The following GRIN2D variants were observed in gnomAD, a reference collection of about 807,000 sequenced individuals.
GRIN2D encodes the protein glutamate ionotropic receptor NMDA type subunit 2D.
Under a neutral mutation model 103.2 loss-of-function variants are expected in GRIN2D, and 37 were observed. The observed-to-expected ratio is 0.36, with a 90% CI of 0.28 to 0.47. The LOEUF is 0.47. Among genes scored for constraint, GRIN2D ranks in the 20% least tolerant of loss-of-function variants. GRIN2D has a pLI of 1.00. For synonymous variants in GRIN2D, 845 were observed against 885.6 expected (o/e 0.95, Z 0.81); for missense variants, 1,557 against 1,910.6 (o/e 0.81, Z 3.45).
chr19:48,402,788 G>C (rs1344043259), intron 3 of GRIN2D, among the ~76,000 whole-genome samples: 1 of 149,710 alleles, frequency 6.7e-6, no homozygotes, highest in African/African-American at 2.5e-5. Flanking sequence ...GAGAGAGAGA[G>C]AGAGAGAGAG....
At chr19:48,422,067 T>G (rs1442437171) in intron 11 of GRIN2D, 122 bp downstream of exon 11, 1 of 935,220 alleles carries the variant, frequency 1.1e-6, no homozygotes, top group African/African-American at 1.7e-5. Flanking sequence ...GTGGGTCAGC[T>G]TGGAGGGCGG....
At chr19:48,430,821 C>CTTTTTTTTTT (rs557084994) in intron 11 of GRIN2D, among the ~76,000 whole-genome samples, 1 of 128,922 alleles carries the variant, frequency 7.8e-6, no homozygotes. Flanking sequence ...TTTCTTTTTT[C>CTTTTTTTTTT]TTTTTTTTTT....
intron 10 of GRIN2D, among the ~76,000 whole-genome samples, chr19:48,420,046 G>A (rs946523661): frequency 3.3e-5 from 5 of 151,964 alleles, no homozygotes; most frequent in African/African-American, 1.2e-4. Flanking sequence ...TAGGGAAGAG[G>A]GTGTCCCTGA....
intron 11 of GRIN2D, among the ~76,000 whole-genome samples, chr19:48,433,365 CA>C (rs1051641420): frequency 2.0e-5 from 3 of 151,678 alleles, no homozygotes; most frequent in South Asian, 4.2e-4. Flanking sequence ...AACTCTATCT[CA>C]AAAATAAAAA....
intron 4 of GRIN2D, among the ~76,000 whole-genome samples, chr19:48,406,140 T>G (rs1223511225): frequency 1.3e-5 from 2 of 152,188 alleles, no homozygotes; most frequent in African/African-American, 4.8e-5. Context: ...AGACGCCTAT[T>G]CTGATTGACT....
At chr19:48,399,761 G>T (rs1401508702) in intron 3 of GRIN2D, among the ~76,000 whole-genome samples, 1 of 151,704 alleles carries the variant, frequency 6.6e-6, no homozygotes, top group African/African-American at 2.4e-5. Flanking sequence ...AAAAGAGGAA[G>T]AGTCATTAGA....
In GRIN2D at chr19:48,443,644, C is replaced by A; in HGVS notation, c.3718C>A (p.His1240Asn). Residue 1240 changes from histidine (H) to asparagine (N), a missense_variant, in exon 14 of 14, where the codon CAC becomes AAC. Physicochemically the swap from His to Asn is moderately conservative, Grantham distance 68. Around this residue, in one of 7 missense-constraint regions of GRIN2D, gnomAD observed 632 missense variants for 572.8 expected, o/e 1.10. Transcript: ENST00000263269. This position sits in a 1 kb window ranked among gnomAD's most constrained non-coding sequence, Gnocchi z 8.9. ...GCACCCGCACCGCCCGCGGGCCTCG[C>A]ACCGCACGCCCGCCGCCGCCGCGCC... is the stretch of plus-strand genomic sequence containing the variant. ...RSHPHRPRAS[H>N]RTPAAAAPHH... 1 of 1,107,750 alleles carries A rather than the reference C, an allele frequency of 9.0e-7. No individual in the cohort carries two copies. Among genetic ancestry groups the A allele is most frequent in the Non-Finnish European group, 1.1e-6 (1 of 912,402 alleles). The allele number at this position is 1,107,750 out of a possible 1,614,324, so 68.6% of individuals were successfully genotyped here.
rs1218736976 is a variant in GRIN2D at position 48,442,573 on chromosome 19, AC to A, written c.2674-22del. 5 of 1,478,210 alleles carry A rather than the reference AC, an allele frequency of 3.4e-6. No homozygotes were observed. The highest frequency in any genetic ancestry group is 2.4e-5 in the Admixed American group (1 of 42,250). The allele number at this position is 1,478,210 out of a possible 1,614,324, so 91.6% of individuals were successfully genotyped here. On this transcript the variant is annotated intron_variant, in intron 13 of 13. Coordinates refer to ENST00000263269, the MANE Select transcript of GRIN2D (RefSeq NM_000836.4). The surrounding 1 kb of genome is among the most constrained non-coding windows in gnomAD (Gnocchi z 7.2). ...CAGGCGTCCTGGGCATCTCGCGCTG[AC>A]CCCCGTCCTGTCCCCGGACCCGCAG...
At position 48,408,819 on chromosome 19, in the gene GRIN2D, T is replaced by TAA. The variant is rs58654942; in HGVS notation, c.1085+3480_1085+3481dup. ...TCAGTGACAGAGCAAGACTCTGTCTTAAAAAAAAAAAAAAAGAGAGAAAGA... is the reference window on the plus strand; with the variant it reads ...TCAGTGACAGAGCAAGACTCTGTCTTAAAAAAAAAAAAAAAAAGAGAGAAAGA... On this transcript the variant is annotated intron_variant, in intron 4 of 13. Coordinates refer to ENST00000263269, the MANE Select transcript of GRIN2D (RefSeq NM_000836.4). Among the ~76,000 whole-genome samples the TAA allele has an allele frequency of 5.3e-3, 749 of 141,282 alleles. 10 individuals carry two copies. The highest frequency in any genetic ancestry group is 0.019 in the African/African-American group (718 of 38,276). The allele number at this position is 141,282 out of a possible 152,430, so 92.7% of individuals were successfully genotyped here.
chr19:48,401,009 G>A (rs1313327286), intron 3 of GRIN2D, among the ~76,000 whole-genome samples: 1 of 151,570 alleles, frequency 6.6e-6, no homozygotes, highest in African/African-American at 2.4e-5. Flanking sequence ...GGAGGTTGCA[G>A]TGAGCCGAGA....
chr19:48,415,093 G>A (rs905151619), intron 7 of GRIN2D, 61 bp downstream of exon 7: 3 of 1,432,126 alleles, frequency 2.1e-6, no homozygotes, highest in Non-Finnish European at 2.8e-6. Context: ...GGGCACAGCC[G>A]GGCGTGGTGG....
Position 48,443,364 on chromosome 19 carries a change from G to T in GRIN2D, c.3438G>T (p.Gly1146=), listed in dbSNP as rs747953717. The T allele has an allele frequency of 1.3e-5, 19 of 1,500,090 alleles. No individual in the cohort carries two copies. The highest frequency in any genetic ancestry group is 1.7e-5 in the Non-Finnish European group (19 of 1,133,426). 92.9% of individuals were successfully genotyped at this position (1,500,090 alleles called of 1,614,324 possible). ...DFPYPYAERL[G]PPPGRYWSVD... Reference sequence around the variant, plus strand: ...CTTACCCGTATGCCGAGCGCCTCGGGCCGCCGCCCGGCCGCTACTGGTCGG... The same window carrying T: ...CTTACCCGTATGCCGAGCGCCTCGGTCCGCCGCCCGGCCGCTACTGGTCGG... Residue 1146 remains glycine, a synonymous_variant, in exon 14 of 14, where the codon GGG becomes GGT. Transcript: ENST00000263269. The surrounding 1 kb of genome is among the most constrained non-coding windows in gnomAD (Gnocchi z 8.9).
chr19:48,438,440 A>G (rs527405228), intron 11 of GRIN2D, among the ~76,000 whole-genome samples: 21 of 151,906 alleles, frequency 1.4e-4, no homozygotes, highest in African/African-American at 5.1e-4. Flanking sequence ...CTGGGACTAC[A>G]GATGCCTGCC....
chr19:48,402,795 AG>A (rs1569059445), intron 3 of GRIN2D, among the ~76,000 whole-genome samples: 4 of 146,948 alleles, frequency 2.7e-5, no homozygotes, highest in African/African-American at 1.0e-4. Context: ...AGAGAGAGAG[AG>A]AGAGAGAGAA....
At chr19:48,424,254 CA>C (rs1337440065) in intron 11 of GRIN2D, among the ~76,000 whole-genome samples, 9 of 103,782 alleles carry the variant, frequency 8.7e-5, no homozygotes, top group East Asian at 5.1e-4. Context: ...CCTTGACTCA[CA>C]AAAAAAAAAA....
At chr19:48,418,524 C>T (rs1970975317) in intron 8 of GRIN2D, among the ~76,000 whole-genome samples, 1 of 151,952 alleles carries the variant, frequency 6.6e-6, no homozygotes, top group African/African-American at 2.4e-5. Context: ...GACAGGAGCT[C>T]AGGAGGCTGG....
intron 11 of GRIN2D, among the ~76,000 whole-genome samples, chr19:48,433,902 A>G (rs117462168): frequency 0.036 from 5,423 of 151,446 alleles, 123 homozygotes; most frequent in South Asian, 0.084. Context: ...TGGGCCATGG[A>G]AGGCCTCCCT....
At position 48,398,462 on chromosome 19, in the gene GRIN2D, T is replaced by A. The variant is rs1600967287; in HGVS notation, c.70T>A (p.Cys24Ser). 9.4e-7 allele frequency: 1 copy of A among 1,064,022 alleles called. No homozygotes were observed. Among genetic ancestry groups the A allele is most frequent in the Non-Finnish European group, 1.1e-6 (1 of 881,272 alleles). 65.9% of individuals were successfully genotyped at this position (1,064,022 alleles called of 1,614,324 possible). A position where few individuals can be genotyped will look rare whatever the true frequency, so the allele number is the denominator to read the frequency against. ...GATGCTGCTGCTGCTGGCGCTGGCC[T>A]GCGCCAGCCCGTTCCCGGAGGAGGC... Reference protein sequence around the residue: ...AKMLLLLALACASPFPEEAPG... With the variant: ...AKMLLLLALASASPFPEEAPG... Residue 24 changes from cysteine to serine, a missense_variant, in exon 3 of 14, where the codon TGC becomes AGC. By Grantham distance (112) the Cys-to-Ser change is moderately radical (BLOSUM62 -1). Coordinates refer to ENST00000263269, the MANE Select transcript of GRIN2D (RefSeq NM_000836.4).
At position 48,414,304 on chromosome 19, in the gene GRIN2D, G is replaced by T; in HGVS notation, c.1201-69G>T. On this transcript the variant is annotated intron_variant, in intron 5 of 13. Transcript: ENST00000263269. The surrounding 1 kb of genome is among the most constrained non-coding windows in gnomAD (Gnocchi z 4.6). ...CCACACACCTAGGTCTGAGGGAAGA[G>T]GATCATGGAGGCCAGGATACACCGG... 1 of 1,312,776 alleles carries T rather than the reference G, an allele frequency of 7.6e-7. No individual in the cohort carries two copies. The allele number at this position is 1,312,776 out of a possible 1,614,324, so 81.3% of individuals were successfully genotyped here. A position where few individuals can be genotyped will look rare whatever the true frequency, so the allele number is the denominator to read the frequency against.
Sources: gnomAD v4.1 joint callset for allele counts (sites outside exome capture counted in the v4.1 genomes callset) on GRCh38, gnomAD v4.1.1 for gene constraint, gnomAD v4.1.1 regional missense constraint, Gnocchi (gnomAD v3.1) non-coding constraint, MANE v1.5 for transcripts, NCBI Gene and HGNC (gene_info 2026-07-23, HGNC 2026-07-21) for gene names.